Variants in RALGAPA1 observed in about 807,000 individuals in gnomAD.
RALGAPA1 encodes ral GTPase-activating protein subunit alpha-1.
Under a neutral mutation model 269.6 loss-of-function variants are expected in RALGAPA1, and 52 were observed. The ratio of observed to expected loss-of-function variants is 0.19; its 90% CI spans 0.15 to 0.24. The LOEUF is 0.24. Among genes scored for constraint, RALGAPA1 ranks in the 10% least tolerant of loss-of-function variants. The probability of loss-of-function intolerance (pLI) is 1.00; values close to 1 mark genes in which losing one functional copy is unlikely to be tolerated. For missense variants in RALGAPA1, 1,917 were observed against 3,013.9 expected (o/e 0.64, Z 8.52); for synonymous variants, 817 against 1,008.3 (o/e 0.81, Z 3.60).
intron 16 of RALGAPA1, among the ~76,000 whole-genome samples, chr14:35,719,803 G>A (rs552671919): frequency 3.6e-5 from 5 of 140,318 alleles, no homozygotes; most frequent in South Asian, 2.3e-4. Flanking sequence ...TCCCTCTGTC[G>A]CTCCAGGCTT....
At chr14:35,711,071 T>C (rs757527089) in intron 16 of RALGAPA1, among the ~76,000 whole-genome samples, 4 of 152,248 alleles carry the variant, frequency 2.6e-5, no homozygotes, top group Non-Finnish European at 4.4e-5. Flanking sequence ...TAGCATAGTA[T>C]ACCTTTTGCC....
intron 21 of RALGAPA1, 38 bp downstream of exon 21, chr14:35,683,771 A>C (rs1157517214): frequency 6.8e-7 from 1 of 1,476,086 alleles, no homozygotes; most frequent in Non-Finnish European, 9.2e-7. Context: ...AGGCTTAAAA[A>C]ATACATTTAA....
At chr14:35,691,084 A>AT (rs2066439313) in intron 17 of RALGAPA1, among the ~76,000 whole-genome samples, 1 of 149,566 alleles carries the variant, frequency 6.7e-6, no homozygotes, top group African/African-American at 2.5e-5. Context: ...AATAATAATA[A>AT]TAATAATTAT....
intron 12 of RALGAPA1, among the ~76,000 whole-genome samples, chr14:35,732,033 T>G (rs1407013507): frequency 1.3e-5 from 2 of 152,012 alleles, no homozygotes; most frequent in African/African-American, 4.8e-5. Flanking sequence ...TTAACAGAGA[T>G]TTTTCAGCAG....
In RALGAPA1 at chr14:35,775,520, GCAAAAAGCTGTCCGA is replaced by G. The variant is rs1205562111; in HGVS notation, c.217+100_217+114del. Reference sequence around the variant, plus strand: ...CTATGATAGTAGTGTGAGAGGGAAAGCAAAAAGCTGTCCGACAAAAATAAGTGAAACAATATGTCC... The same window carrying G: ...CTATGATAGTAGTGTGAGAGGGAAAGCAAAAATAAGTGAAACAATATGTCC... On this transcript the variant is annotated intron_variant, in intron 2 of 41. Transcript: ENST00000680220. 2.3e-6 allele frequency: 3 copies of G among 1,323,196 alleles called. No individual in the cohort carries two copies. In the African/African-American group the frequency reaches 4.8e-5, roughly 21 times the overall value. The allele number at this position is 1,323,196 out of a possible 1,614,324, so 82.0% of individuals were successfully genotyped here.
chr14:35,608,259 G>A (rs1416340410), intron 35 of RALGAPA1, among the ~76,000 whole-genome samples: 1 of 151,998 alleles, frequency 6.6e-6, no homozygotes, highest in Non-Finnish European at 1.5e-5. Flanking sequence ...AAAATCAAAT[G>A]GTAAGGGGAA....
intron 21 of RALGAPA1, among the ~76,000 whole-genome samples, chr14:35,682,826 G>A (rs879749918): frequency 2.6e-5 from 4 of 151,970 alleles, no homozygotes; most frequent in Non-Finnish European, 5.9e-5. Context: ...AACCCAATTG[G>A]TTCCCATTCT....
At chr14:35,779,939 T>A (rs930128746) in intron 1 of RALGAPA1, among the ~76,000 whole-genome samples, 2 of 152,020 alleles carry the variant, frequency 1.3e-5, no homozygotes, top group African/African-American at 4.8e-5. Flanking sequence ...CTGGCCAACA[T>A]GGTGAAACCC....
chr14:35,787,376 G>A (rs2075868825), intron 1 of RALGAPA1, among the ~76,000 whole-genome samples: 1 of 152,148 alleles, frequency 6.6e-6, no homozygotes, highest in East Asian at 1.9e-4. Context: ...AAGGGAAGAC[G>A]ACTGGGAACC....
intron 1 of RALGAPA1, among the ~76,000 whole-genome samples, chr14:35,805,386 G>A (rs1380627511): frequency 1.3e-5 from 2 of 150,564 alleles, no homozygotes; most frequent in African/African-American, 4.9e-5. Flanking sequence ...AGGTTGCAGT[G>A]AGCCGAGATC....
chr14:35,677,566 T>C (rs2065054033), intron 22 of RALGAPA1: 1 of 156,676 alleles, frequency 6.4e-6, no homozygotes, highest in Non-Finnish European at 1.4e-5. Context: ...CACTGAAAGC[T>C]TGATTAACAA....
chr14:35,551,622 A>G (rs555984027), intron 39 of RALGAPA1, among the ~76,000 whole-genome samples: 2 of 152,304 alleles, frequency 1.3e-5, no homozygotes, highest in South Asian at 4.1e-4. Context: ...TTAGGCAGAA[A>G]GAAAGCAAAT....
At chr14:35,712,103 T>C (rs1393012441) in intron 16 of RALGAPA1, among the ~76,000 whole-genome samples, 2 of 151,786 alleles carry the variant, frequency 1.3e-5, no homozygotes, top group South Asian at 4.2e-4. Context: ...AAAAATTAGC[T>C]GGGCATGGTG....
At chr14:35,745,351 CA>C in intron 10 of RALGAPA1, among the ~76,000 whole-genome samples, 1 of 151,490 alleles carries the variant, frequency 6.6e-6, no homozygotes, top group Non-Finnish European at 1.5e-5. Context: ...AGTATGGTAC[CA>C]GCATAAAAAA....
Position 35,723,105 on chromosome 14 carries a change from T to A in RALGAPA1, c.2026A>T (p.Asn676Tyr). 6.2e-7 allele frequency: 1 copy of A among 1,608,950 alleles called. No individual in the cohort carries two copies. The highest frequency in any genetic ancestry group is 2.2e-5 in the East Asian group (1 of 44,824). The part of the protein sequence containing the change: ...METLTKVLAR[N>Y]LYSLDLSDLP... ...TCACTGAGATCCAAACTATATAAAT[T>A]CCTAGCTAAAACTTTAGTTAATGTC... Residue 676 changes from asparagine (N) to tyrosine (Y), a missense_variant, in exon 15 of 42, where the codon AAT becomes TAT. Coordinates refer to ENST00000680220, the MANE Select transcript of RALGAPA1 (RefSeq NM_001346249.2).
intron 35 of RALGAPA1, among the ~76,000 whole-genome samples, chr14:35,624,348 C>T (rs868140036): frequency 4.6e-5 from 7 of 151,506 alleles, no homozygotes; most frequent in South Asian, 2.1e-4. Context: ...TTAGAAATTA[C>T]AGGAAGTGAG....
chr14:35,549,352 T>C, intron 39 of RALGAPA1, 118 bp from the exon 40 acceptor site: 1 of 1,016,388 alleles, frequency 9.8e-7, no homozygotes, highest in Non-Finnish European at 1.4e-6. Flanking sequence ...AATTATTCAC[T>C]AATTATTCTT....
intron 28 of RALGAPA1, among the ~76,000 whole-genome samples, chr14:35,657,315 A>G (rs2063242212): frequency 6.6e-6 from 1 of 151,246 alleles, no homozygotes; most frequent in Non-Finnish European, 1.5e-5. Context: ...CAGCTTCCTG[A>G]GTAGCTGGGA....
intron 35 of RALGAPA1, among the ~76,000 whole-genome samples, chr14:35,620,813 G>C (rs183768538): frequency 8.3e-4 from 126 of 152,246 alleles, no homozygotes; most frequent in South Asian, 4.8e-3. Flanking sequence ...CAATGGATGT[G>C]AAGTTCTCGT....
Sources: allele counts gnomAD v4.1 joint callset (sites outside exome capture counted in the v4.1 genomes callset), GRCh38; gene constraint gnomAD v4.1.1; transcripts MANE v1.5; gene names NCBI Gene and HGNC (gene_info 2026-07-23, HGNC 2026-07-21).